TRIM39: variants seen among roughly 807,000 people sequenced by gnomAD.
The protein encoded by TRIM39 is E3 ubiquitin-protein ligase TRIM39.
Under a neutral mutation model 53.6 loss-of-function variants are expected in TRIM39, and 5 were observed. The ratio of observed to expected loss-of-function variants is 0.09; its 90% CI spans 0.05 to 0.20. The LOEUF (loss-of-function observed/expected upper bound fraction) is 0.20. TRIM39 is among the 10% of genes least tolerant of loss of function. The pLI, the probability that TRIM39 is intolerant of heterozygous loss-of-function variation, is 1.00. For missense variants in TRIM39, 310 were observed against 621.0 expected, an observed-to-expected ratio of 0.50 and a Z score of 5.32; for synonymous variants, 196 against 237.6, an observed-to-expected ratio of 0.82 and a Z score of 1.61.
intron 4 of TRIM39, among the ~76,000 whole-genome samples, chr6:30,334,075 G>T (rs1439062899): frequency 1.3e-5 from 2 of 152,194 alleles, no homozygotes; most frequent in African/African-American, 4.8e-5. Context: ...ACACTGAGAA[G>T]GCAGTGGTGG....
chr6:30,328,555 G>A (rs1225842497), intron 1 of TRIM39, among the ~76,000 whole-genome samples: 1 of 152,060 alleles, frequency 6.6e-6, no homozygotes, highest in African/African-American at 2.4e-5. Context: ...TTCAATATGA[G>A]GACTCTCTTT....
In TRIM39 at chr6:30,342,411, A is replaced by T; in HGVS notation, c.*152A>T. On this transcript the variant is annotated 3_prime_UTR_variant, in exon 8 of 8. Coordinates refer to ENST00000396551, the Ensembl canonical transcript of TRIM39. The surrounding 1 kb of genome is among the most constrained non-coding windows in gnomAD (Gnocchi z 4.7). ...TGGTTTCTAGGATGGTTTTGTGTGG[A>T]GGGGGAGGTAGGACTGGGCTGGATG... 2 of 762,738 alleles carry T rather than the reference A, an allele frequency of 2.6e-6. No homozygotes were observed. The highest frequency in any genetic ancestry group is 4.2e-6 in the Non-Finnish European group (2 of 474,262). The allele number at this position is 762,738 out of a possible 1,614,324, so 47.2% of individuals were successfully genotyped here.
chr6:30,340,065 T>G, intron 6 of TRIM39, 135 bp downstream of exon 6: 1 of 1,406,238 alleles, frequency 7.1e-7, no homozygotes, highest in African/African-American at 1.4e-5. Context: ...AGAATGTTCA[T>G]TGTGCCCATG....
At chr6:30,329,201 G>C in intron 2 of TRIM39, 110 bp from the exon 3 acceptor site, 1 of 1,272,924 alleles carries the variant, frequency 7.9e-7, no homozygotes, top group Non-Finnish European at 1.1e-6. Context: ...CAAATCTGGA[G>C]TTAGGACTTA....
intron 3 of TRIM39, 113 bp downstream of exon 3, chr6:30,329,883 A>C (rs529906089): frequency 6.0e-4 from 844 of 1,406,186 alleles, no homozygotes; most frequent in Non-Finnish European, 6.9e-4. Context: ...GTATTCTCAG[A>C]GCTGCATATG....
At chr6:30,341,920 A>C (rs1284470279) in exon 8 of TRIM39, 1 of 1,613,042 alleles carries the variant, frequency 6.2e-7, no homozygotes, top group East Asian at 2.2e-5. Flanking sequence ...CCCACTGGGC[A>C]GTGGGTGTAT....
chr6:30,340,129 C>A, intron 6 of TRIM39, 199 bp downstream of exon 6: 1 of 1,070,670 alleles, frequency 9.3e-7, no homozygotes, highest in Non-Finnish European at 1.4e-6. Flanking sequence ...CCCCTTTGAA[C>A]ATCAGGACTT....
At chr6:30,340,511 A>C (rs897379667) in exon 7 of TRIM39, 10 of 1,612,906 alleles carry the variant, frequency 6.2e-6, no homozygotes, top group Non-Finnish European at 8.5e-6. Flanking sequence ...CTAGATGTGA[A>C]AAGGTGAAGA....
Position 30,335,930 on chromosome 6 carries a change from C to G in TRIM39, c.735C>G (p.Ala245=), listed in dbSNP as rs1786797752. Residue 245 remains alanine, a synonymous_variant, in exon 5 of 8, where the codon GCC becomes GCG. Transcript: ENST00000396551. The surrounding 1 kb of genome is among the most constrained non-coding windows in gnomAD (Gnocchi z 4.7). ...GCCGGGACCTGGCCCACTTGGCTGC[C>G]GAGGTGGAGGGCAAGTGCTTACAGT... The G allele has an allele frequency of 6.2e-7, 1 of 1,612,598 alleles. No individual in the cohort carries two copies. The highest frequency in any genetic ancestry group is 1.1e-5 in the South Asian group (1 of 91,072).
chr6:30,340,882 G>C (rs2127412456), intron 7 of TRIM39, among the ~76,000 whole-genome samples: 1 of 152,306 alleles, frequency 6.6e-6, no homozygotes, highest in East Asian at 1.9e-4. Flanking sequence ...TCATCGGGTA[G>C]AGTGGTTATA....
intron 2 of TRIM39, 124 bp downstream of exon 2, chr6:30,329,165 A>C: frequency 1.1e-6 from 1 of 918,046 alleles, no homozygotes; most frequent in South Asian, 1.8e-5. Flanking sequence ...TGATTGGAAG[A>C]GAAGATGGAG....
In TRIM39 at chr6:30,329,050, C is replaced by G. The variant is rs1249757041; in HGVS notation, c.-8+9C>G. 1 of 482,228 alleles carries G rather than the reference C, an allele frequency of 2.1e-6. No homozygotes were observed. Among genetic ancestry groups the G allele is most frequent in the East Asian group, 3.5e-5 (1 of 28,190 alleles). 29.9% of individuals were successfully genotyped at this position (482,228 alleles called of 1,614,324 possible). A position where few individuals can be genotyped will look rare whatever the true frequency, so the allele number is the denominator to read the frequency against. ...AACAAGAGAAAGCAGAGGTAAGAGA[C>G]AAGATAGATCAATTGGGGGTTGTGT... On this transcript the variant is annotated intron_variant, in intron 2 of 7. Coordinates refer to ENST00000396551, the Ensembl canonical transcript of TRIM39.
At chr6:30,331,725 A>T (rs554770620) in intron 4 of TRIM39, among the ~76,000 whole-genome samples, 25 of 152,178 alleles carry the variant, frequency 1.6e-4, no homozygotes, top group Non-Finnish European at 2.6e-4. Context: ...CTCAGGCGGG[A>T]TGAAAGCCAC....
rs117515639 is a variant in TRIM39 at position 30,338,991 on chromosome 6, G to A, written c.781-917G>A. Among the ~76,000 whole-genome samples, 189 of 152,104 alleles carry A rather than the reference G, an allele frequency of 1.2e-3. 5 individuals are homozygous for A. In the East Asian group the frequency reaches 0.026, roughly 21 times the overall value. On this transcript the variant is annotated intron_variant, in intron 5 of 7. Transcript: ENST00000396551. This position sits in a 1 kb window ranked among gnomAD's most constrained non-coding sequence, Gnocchi z 4.0. ...CATTGTACATTTATTTTTATGTTAC[G>A]TATTGCTTGGTATTTGTTCCTATGG...
intron 4 of TRIM39, 139 bp downstream of exon 4, chr6:30,331,015 A>C (rs1474973957): frequency 9.6e-7 from 1 of 1,039,074 alleles, no homozygotes; most frequent in Non-Finnish European, 1.4e-6. Flanking sequence ...CACACCTGTA[A>C]TCCCAGCAAT....
Position 30,335,071 on chromosome 6 carries a change from GATA to G in TRIM39, c.550-669_550-667del, listed in dbSNP as rs1419858097. ...TTGAATTAACTAGAACTTTACAGTT[GATA>G]ATAACACAGATATCTCTGATATCTG... On this transcript the variant is annotated intron_variant, in intron 4 of 7. Coordinates refer to ENST00000396551, the Ensembl canonical transcript of TRIM39. The surrounding 1 kb of genome is among the most constrained non-coding windows in gnomAD (Gnocchi z 4.7). Among the ~76,000 whole-genome samples the G allele has an allele frequency of 6.6e-6, 1 of 152,028 alleles. No individual in the cohort carries two copies. Among genetic ancestry groups the G allele is most frequent in the Non-Finnish European group, 1.5e-5 (1 of 68,018 alleles).
intron 2 of TRIM39, 48 bp downstream of exon 2, chr6:30,329,089 CAA>C (rs1785792160): frequency 3.6e-6 from 2 of 557,976 alleles, no homozygotes; most frequent in Non-Finnish European, 6.2e-6. Flanking sequence ...AGTTTACTAA[CAA>C]GAAAAAAAAG....
chr6:30,327,839 C>A (rs776644597), intron 1 of TRIM39: 1 of 152,248 alleles, frequency 6.6e-6, no homozygotes, highest in Non-Finnish European at 1.5e-5. Context: ...AAGAAGTTAT[C>A]AGTTCCTACT....
In TRIM39 at chr6:30,339,009, TC is replaced by T. The variant is rs1787181622; in HGVS notation, c.781-897del. On this transcript the variant is annotated intron_variant, in intron 5 of 7. Transcript: ENST00000396551. This position sits in a 1 kb window ranked among gnomAD's most constrained non-coding sequence, Gnocchi z 4.2. ...ATGTTACGTATTGCTTGGTATTTGT[TC>T]CTATGGCCTTTCATGTATGTGTGTT... 6.6e-6 allele frequency among the ~76,000 whole-genome samples: 1 copy of T among 152,188 alleles called. No individual in the cohort carries two copies. The highest frequency in any genetic ancestry group is 6.5e-5 in the Admixed American group (1 of 15,272).
Sources: gnomAD v4.1 joint callset for allele counts (sites outside exome capture counted in the v4.1 genomes callset) on GRCh38, gnomAD v4.1.1 for gene constraint, Gnocchi (gnomAD v3.1) non-coding constraint, MANE v1.5 for transcripts, NCBI Gene and HGNC (gene_info 2026-07-23, HGNC 2026-07-21) for gene names.